The following ZSWIM9 variants were observed in gnomAD, a reference collection of about 807,000 sequenced individuals.
ZSWIM9 encodes the protein zinc finger SWIM-type containing 9.
ZSWIM9 carries 11 observed loss-of-function variants against 25.0 expected under a neutral mutation model. The observed-to-expected ratio is 0.44, with a 90% CI of 0.28 to 0.73. The LOEUF (loss-of-function observed/expected upper bound fraction) is 0.73. Ranked by LOEUF, ZSWIM9 falls within the 30% of genes least tolerant of loss-of-function variation. The pLI is 0.16. For missense variants in ZSWIM9, 1,070 were observed against 1,296.5 expected, an observed-to-expected ratio of 0.83 and a Z score of 2.68; for synonymous variants, 562 against 582.1, an observed-to-expected ratio of 0.97 and a Z score of 0.50.
At position 48,195,211 on chromosome 19, in the gene ZSWIM9, C is replaced by G. The variant is rs1388555560; in HGVS notation, c.1147C>G (p.Pro383Ala). 6.5e-7 allele frequency: 1 copy of G among 1,527,004 alleles called. No individual in the cohort carries two copies. The highest frequency in any genetic ancestry group is 8.8e-7 in the Non-Finnish European group (1 of 1,141,848). The allele number at this position is 1,527,004 out of a possible 1,614,324, so 94.6% of individuals were successfully genotyped here. The change falls in exon 4 of 4, where the codon CCC (proline) becomes GCC (alanine). Residue 383 changes from proline (P) to alanine (A), a missense_variant. Coordinates refer to ENST00000614654, the MANE Select transcript of ZSWIM9 (RefSeq NM_199341.4). The surrounding 1 kb of genome is among the most constrained non-coding windows in gnomAD (Gnocchi z 5.8). Reference protein sequence around the residue: ...FVDYFERNWEPRRDMWVRFRA... With the variant: ...FVDYFERNWEARRDMWVRFRA... ...GGACTACTTCGAGCGCAACTGGGAG[C>G]CCCGCCGCGACATGTGGGTCCGCTT...
At position 48,195,390 on chromosome 19, in the gene ZSWIM9, G is replaced by A. The variant is rs1046340871; in HGVS notation, c.1326G>A (p.Ala442=). Residue 442 remains alanine, a synonymous_variant, in exon 4 of 4, where the codon GCG becomes GCA. Transcript: ENST00000614654. This position sits in a 1 kb window ranked among gnomAD's most constrained non-coding sequence, Gnocchi z 5.8. ...AMQWADAAGE[A]VPEGPDGGGP... ...AGTGGGCCGACGCGGCCGGGGAGGC[G>A]GTGCCCGAGGGGCCCGATGGCGGGG... 9.4e-6 allele frequency: 14 copies of A among 1,481,530 alleles called. No homozygotes were observed. Among genetic ancestry groups the A allele is most frequent in the African/African-American group, 2.9e-5 (2 of 69,770 alleles). 91.8% of individuals were successfully genotyped at this position (1,481,530 alleles called of 1,614,324 possible).
intron 3 of ZSWIM9, among the ~76,000 whole-genome samples, chr19:48,189,906 G>A (rs2037074208): frequency 6.6e-6 from 1 of 152,026 alleles, no homozygotes; most frequent in East Asian, 1.9e-4. Flanking sequence ...TTCTTAAAAA[G>A]AAGATGAAAA....
chr19:48,195,835 G>T lies in ZSWIM9; in HGVS notation c.1771G>T (p.Glu591Ter). The T allele has an allele frequency of 6.8e-7, 1 of 1,472,588 alleles. No individual in the cohort carries two copies. Among genetic ancestry groups the T allele is most frequent in the Non-Finnish European group, 8.9e-7 (1 of 1,118,532 alleles). The allele number at this position is 1,472,588 out of a possible 1,614,324, so 91.2% of individuals were successfully genotyped here. A position where few individuals can be genotyped will look rare whatever the true frequency, so the allele number is the denominator to read the frequency against. ...GGAGGACCAGGCGCTAAGAGGATTG[G>T]AAGGGTATACCTGGAGGGTGGCCCA... Reference protein sequence around the residue: ...QLEDQALRGLEGYTWRVAQLE... With the variant: ...QLEDQALRGL The change falls in exon 4 of 4, where the codon GAA (glutamate) becomes TAA (stop). Residue 591 changes from glutamate (E) to a stop codon, truncating the protein, a stop_gained. Transcript: ENST00000614654. LOFTEE classifies it low-confidence loss of function (END_TRUNC). This position sits in a 1 kb window ranked among gnomAD's most constrained non-coding sequence, Gnocchi z 5.8.
chr19:48,178,936 G>A (rs148639326), intron 2 of ZSWIM9, among the ~76,000 whole-genome samples: 15 of 152,226 alleles, frequency 9.9e-5, no homozygotes, highest in African/African-American at 2.4e-4. Flanking sequence ...ATTTACATAC[G>A]TCTATGGCTT....
At chr19:48,176,258 T>A (rs1315414773) in intron 2 of ZSWIM9, among the ~76,000 whole-genome samples, 1 of 152,036 alleles carries the variant, frequency 6.6e-6, no homozygotes, top group Non-Finnish European at 1.5e-5. Flanking sequence ...AAGCAACGGG[T>A]CCTTGAAAAA....
intron 3 of ZSWIM9, among the ~76,000 whole-genome samples, chr19:48,191,546 G>A (rs993692394): frequency 6.6e-6 from 1 of 152,136 alleles, no homozygotes; most frequent in South Asian, 2.1e-4. Flanking sequence ...CTTTGGGGCA[G>A]TCTGGAGAAC....
rs554530073 is a variant in ZSWIM9, at chr19:48,182,654, G to T, written c.475G>T (p.Val159Leu). The part of the protein sequence containing the change: ...RTTNKISKQF[V>L]APADVRRLLS... Reference sequence around the variant, plus strand: ...CACCAACAAGATCTCCAAGCAGTTCGTGGCCCCAGCCGACGTGCGCCGCCT... The same window carrying T: ...CACCAACAAGATCTCCAAGCAGTTCTTGGCCCCAGCCGACGTGCGCCGCCT... The change falls in exon 3 of 4, where the codon GTG becomes TTG. Residue 159 changes from valine (V) to leucine (L), a missense_variant. Transcript: ENST00000614654. The surrounding 1 kb of genome is among the most constrained non-coding windows in gnomAD (Gnocchi z 4.6). 2.6e-6 allele frequency: 4 copies of T among 1,535,784 alleles called. No individual in the cohort carries two copies. The Admixed American group carries it at 5.9e-5, about 23-fold the overall frequency.
Position 48,195,966 on chromosome 19 carries a change from T to G in ZSWIM9, c.1902T>G (p.Asp634Glu). ...GSPWRGAQLH[D>E]ERAGGLRTAE... is the part of the protein sequence containing the mutation. ...CCTGGAGGGGGGCGCAGCTGCACGA[T>G]GAAAGGGCAGGGGGACTGAGAACTG... The change falls in exon 4 of 4, where the codon GAT becomes GAG. Residue 634 changes from aspartate to glutamate, a missense_variant. Coordinates refer to ENST00000614654, the MANE Select transcript of ZSWIM9 (RefSeq NM_199341.4). This position sits in a 1 kb window ranked among gnomAD's most constrained non-coding sequence, Gnocchi z 5.8. 7.7e-7 allele frequency: 1 copy of G among 1,297,140 alleles called. No individual in the cohort carries two copies. Among genetic ancestry groups the G allele is most frequent in the Non-Finnish European group, 9.7e-7 (1 of 1,026,662 alleles). The allele number at this position is 1,297,140 out of a possible 1,614,324, so 80.4% of individuals were successfully genotyped here. A position where few individuals can be genotyped will look rare whatever the true frequency, so the allele number is the denominator to read the frequency against.
rs1177905140 is a variant in ZSWIM9, at chr19:48,196,908, C to G, written c.*81C>G. On this transcript the variant is annotated 3_prime_UTR_variant, in exon 4 of 4. Coordinates refer to ENST00000614654, the MANE Select transcript of ZSWIM9 (RefSeq NM_199341.4). Reference sequence around the variant, plus strand: ...ATCCCAAAGATAATAGGGCTGAGGCCAAGGAGACCGTTGCAGTCCCCCTGG... The same window carrying G: ...ATCCCAAAGATAATAGGGCTGAGGCGAAGGAGACCGTTGCAGTCCCCCTGG... The G allele has an allele frequency of 8.0e-7, 1 of 1,244,088 alleles. No homozygotes were observed. The highest frequency in any genetic ancestry group is 3.4e-5 in the South Asian group (1 of 29,006). The allele number at this position is 1,244,088 out of a possible 1,614,324, so 77.1% of individuals were successfully genotyped here.
Position 48,194,963 on chromosome 19 carries a change from C to T in ZSWIM9, c.899C>T (p.Ala300Val). Residue 300 changes from alanine (A) to valine (V), a missense_variant, in exon 4 of 4, where the codon GCG becomes GTG. By Grantham distance (64) the Ala-to-Val change is moderately conservative (BLOSUM62 0). Transcript: ENST00000614654. The surrounding 1 kb of genome is among the most constrained non-coding windows in gnomAD (Gnocchi z 6.0). ...RCLTAGPEVAAQLPAVRQLLP... is the reference protein window; with the variant it reads ...RCLTAGPEVAVQLPAVRQLLP... ...CTCACCGCCGGGCCCGAGGTGGCGG[C>T]GCAGTTGCCTGCAGTGCGCCAGCTG... The T allele has an allele frequency of 1.5e-6, 2 of 1,330,462 alleles. No individual in the cohort carries two copies. Among genetic ancestry groups the T allele is most frequent in the Non-Finnish European group, 1.9e-6 (2 of 1,042,842 alleles). The allele number at this position is 1,330,462 out of a possible 1,614,324, so 82.4% of individuals were successfully genotyped here.
In ZSWIM9 at chr19:48,171,816, A is replaced by G; in HGVS notation, c.14A>G (p.Glu5Gly). The G allele has an allele frequency of 2.0e-6, 3 of 1,532,720 alleles. No individual in the cohort carries two copies. Among genetic ancestry groups the G allele is most frequent in the Non-Finnish European group, 2.6e-6 (3 of 1,145,590 alleles). 94.9% of individuals were successfully genotyped at this position (1,532,720 alleles called of 1,614,324 possible). The change falls in exon 2 of 4, where the codon GAG becomes GGG. Residue 5 changes from glutamate to glycine, a missense_variant. This residue lies in a region of ZSWIM9 where 265 missense variants were observed against 339.0 expected (regional missense o/e 0.78). Transcript: ENST00000614654. MERP[E>G]PPPGTAAGQE... ...CAGGCCCCCAGGATGGAGCGGCCGG[A>G]GCCCCCACCCGGCACGGCTGCGGGG...
At chr19:48,191,634 G>C (rs1053058268) in intron 3 of ZSWIM9, among the ~76,000 whole-genome samples, 2 of 152,190 alleles carry the variant, frequency 1.3e-5, no homozygotes, top group Admixed American at 1.3e-4. Flanking sequence ...ATGGAAAGTA[G>C]TAAAGGCATG....
chr19:48,196,746 T>A lies in ZSWIM9; in HGVS notation c.2682T>A (p.Phe894Leu). ...GCCGTCTGCCCTGCAGACACCTCTT[T>A]GCAGCGCGCCTCCTCACTGGGGCTG... ...AARRLPCRHLFAARLLTGAAL... is the reference protein window; with the variant it reads ...AARRLPCRHLLAARLLTGAAL... The change falls in exon 4 of 4, where the codon TTT (phenylalanine) becomes TTA (leucine). Residue 894 changes from phenylalanine (F) to leucine (L), a missense_variant. By Grantham distance (22) the Phe-to-Leu change is conservative. Coordinates refer to ENST00000614654, the MANE Select transcript of ZSWIM9 (RefSeq NM_199341.4). The A allele has an allele frequency of 1.6e-6, 2 of 1,233,566 alleles. No individual in the cohort carries two copies. Among genetic ancestry groups the A allele is most frequent in the Non-Finnish European group, 1.0e-6 (1 of 988,988 alleles). The allele number at this position is 1,233,566 out of a possible 1,614,324, so 76.4% of individuals were successfully genotyped here. A position where few individuals can be genotyped will look rare whatever the true frequency, so the allele number is the denominator to read the frequency against.
At chr19:48,173,421 C>T (rs1031163543) in intron 2 of ZSWIM9, among the ~76,000 whole-genome samples, 11 of 152,196 alleles carry the variant, frequency 7.2e-5, no homozygotes, top group African/African-American at 2.7e-4. Context: ...ACCTCAGCCT[C>T]CCAAGTAGCT....
At chr19:48,180,205 C>A (rs12459787) in intron 2 of ZSWIM9, among the ~76,000 whole-genome samples, 9,139 of 152,082 alleles carry the variant, frequency 0.06, 696 homozygotes, top group African/African-American at 0.17. Flanking sequence ...TAGTAGAGAC[C>A]GCGTTTCTCC....
At chr19:48,179,756 G>C (rs2036928910) in intron 2 of ZSWIM9, among the ~76,000 whole-genome samples, 1 of 152,234 alleles carries the variant, frequency 6.6e-6, no homozygotes, top group Admixed American at 6.5e-5. Flanking sequence ...TGAAAAGCCA[G>C]CTGCAAAGGC....
At chr19:48,173,117 C>G (rs1162676247) in intron 2 of ZSWIM9, among the ~76,000 whole-genome samples, 2 of 152,254 alleles carry the variant, frequency 1.3e-5, no homozygotes, top group African/African-American at 2.4e-5. Flanking sequence ...TGGAGTTGGG[C>G]AAGAGACAAA....
chr19:48,185,888 A>T (rs1199199216), intron 3 of ZSWIM9, among the ~76,000 whole-genome samples: 1 of 152,230 alleles, frequency 6.6e-6, no homozygotes, highest in African/African-American at 2.4e-5. Flanking sequence ...CGGGAGGCTG[A>T]GGCACAAGAA....
chr19:48,192,502 C>T (rs866606669), intron 3 of ZSWIM9, among the ~76,000 whole-genome samples: 12,875 of 45,120 alleles, frequency 0.29, 2,331 homozygotes, highest in Middle Eastern at 0.42. Context: ...TATATATACA[C>T]ACACACACAC....
Sources: allele counts gnomAD v4.1 joint callset (sites outside exome capture counted in the v4.1 genomes callset), GRCh38; gene constraint gnomAD v4.1.1; regional missense constraint gnomAD v4.1.1; non-coding constraint Gnocchi (gnomAD v3.1); transcripts MANE v1.5; gene names NCBI Gene and HGNC (gene_info 2026-07-23, HGNC 2026-07-21).